CDH12: variants seen among roughly 807,000 people sequenced by gnomAD.
CDH12 encodes cadherin-12.
Under a neutral mutation model 74.1 loss-of-function variants are expected in CDH12, and 41 were observed. The observed-to-expected ratio is 0.55, with a 90% CI of 0.43 to 0.72. The LOEUF (loss-of-function observed/expected upper bound fraction) is 0.72, where lower values mean the gene tolerates loss of function less well. CDH12 is among the 30% of genes least tolerant of loss of function. The pLI, the probability that CDH12 is intolerant of heterozygous loss-of-function variation, is 0.00. For missense variants in CDH12, 945 were observed against 977.2 expected, an observed-to-expected ratio of 0.97 and a Z score of 0.44; for synonymous variants, 399 against 355.0, an observed-to-expected ratio of 1.12 and a Z score of -1.39.
chr5:21,850,828 C>T (rs999613980), intron 7 of CDH12, among the ~76,000 whole-genome samples: 1 of 150,988 alleles, frequency 6.6e-6, no homozygotes, highest in African/African-American at 2.4e-5. Context: ...TATTCTCACT[C>T]AATTGTTTTT....
chr5:21,879,270 T>C (rs191325170), intron 6 of CDH12, among the ~76,000 whole-genome samples: 9 of 150,174 alleles, frequency 6.0e-5, no homozygotes, highest in Admixed American at 3.3e-4. Flanking sequence ...TACTATTTCA[T>C]AGGATAACAG....
intron 1 of CDH12, among the ~76,000 whole-genome samples, chr5:22,664,901 T>G (rs1049723424): frequency 6.6e-6 from 1 of 152,220 alleles, no homozygotes; most frequent in Admixed American, 6.5e-5. Flanking sequence ...AAAATGTCTC[T>G]GCTACATTGA....
intron 2 of CDH12, among the ~76,000 whole-genome samples, chr5:22,488,745 T>C (rs1021736917): frequency 6.6e-6 from 1 of 152,048 alleles, no homozygotes; most frequent in Non-Finnish European, 1.5e-5. Flanking sequence ...ATCCTAAACC[T>C]GCTTACCCTG....
At chr5:21,820,118 A>G (rs1748284404) in intron 8 of CDH12, among the ~76,000 whole-genome samples, 1 of 151,928 alleles carries the variant, frequency 6.6e-6, no homozygotes, top group African/African-American at 2.4e-5. Context: ...TTGAAAGGTA[A>G]TCCAAAGGGC....
At chr5:22,216,244 T>C in intron 3 of CDH12, among the ~76,000 whole-genome samples, 1 of 152,056 alleles carries the variant, frequency 6.6e-6, no homozygotes, top group Non-Finnish European at 1.5e-5. Context: ...TTGTGATTTA[T>C]TGAAGAAAAA....
At chr5:22,352,139 TA>T (rs1027792117) in intron 3 of CDH12, among the ~76,000 whole-genome samples, 8 of 151,916 alleles carry the variant, frequency 5.3e-5, no homozygotes, top group Non-Finnish European at 1.2e-4. Flanking sequence ...TTTTTTTTTT[TA>T]ATTTGGAAAC....
At position 22,678,044 on chromosome 5, in the gene CDH12, T is replaced by TGC; in HGVS notation, c.-522-172681_-522-172680insGC. ...AGGCTCACCTCCTATACCATCCTCATGGGGGGGGGGGTTAGGATTTTAATG... is the reference window on the plus strand; with the variant it reads ...AGGCTCACCTCCTATACCATCCTCATGCGGGGGGGGGGGTTAGGATTTTAATG... On this transcript the variant is annotated intron_variant, in intron 1 of 14. Coordinates refer to ENST00000382254, the MANE Select transcript of CDH12 (RefSeq NM_004061.5). 2.2e-5 allele frequency among the ~76,000 whole-genome samples: 3 copies of TGC among 135,216 alleles called. 1 individual carries two copies. The East Asian group carries it at 7.0e-4, about 31-fold the overall frequency. The allele number at this position is 135,216 out of a possible 152,430, so 88.7% of individuals were successfully genotyped here.
At chr5:22,280,011 T>A (rs1332741079) in intron 3 of CDH12, among the ~76,000 whole-genome samples, 1 of 152,192 alleles carries the variant, frequency 6.6e-6, no homozygotes, top group African/African-American at 2.4e-5. Flanking sequence ...AAAGTGTTCC[T>A]ATTTCTCCAC....
intron 3 of CDH12, among the ~76,000 whole-genome samples, chr5:22,330,592 A>T (rs1026983654): frequency 3.9e-5 from 6 of 151,944 alleles, no homozygotes; most frequent in African/African-American, 1.5e-4. Flanking sequence ...CTCTAATAAA[A>T]ATACAAAAAT....
intron 2 of CDH12, among the ~76,000 whole-genome samples, chr5:22,460,713 A>ATTTTTTTTTTTTTTTTTTT (rs3039460): frequency 5.6e-4 from 48 of 85,606 alleles, no homozygotes; most frequent in African/African-American, 1.9e-3. Flanking sequence ...ATATCTAGCA[A>ATTTTTTTTTTTTTTTTTTT]TTTTTTTTTT....
At chr5:22,313,226 G>A (rs1738464775) in intron 3 of CDH12, among the ~76,000 whole-genome samples, 1 of 152,140 alleles carries the variant, frequency 6.6e-6, no homozygotes. Flanking sequence ...GGACCTCAGA[G>A]TGGGTATTAA....
chr5:22,697,441 G>T (rs545063092), intron 1 of CDH12, among the ~76,000 whole-genome samples: 1 of 151,740 alleles, frequency 6.6e-6, no homozygotes, highest in African/African-American at 2.4e-5. Flanking sequence ...GCGTGGTGGC[G>T]GGCCCCTGTG....
intron 5 of CDH12, among the ~76,000 whole-genome samples, chr5:21,991,915 T>C (rs535218500): frequency 2.0e-5 from 3 of 152,066 alleles, no homozygotes; most frequent in Admixed American, 1.3e-4. Flanking sequence ...TGTAATAGTA[T>C]CATAAATATT....
chr5:22,512,836 G>C (rs895226419), intron 1 of CDH12, among the ~76,000 whole-genome samples: 9 of 152,158 alleles, frequency 5.9e-5, no homozygotes, highest in African/African-American at 2.2e-4. Flanking sequence ...GCCTAGTCGG[G>C]TGGATCATCT....
At chr5:22,013,710 T>C (rs1012026491) in intron 5 of CDH12, among the ~76,000 whole-genome samples, 5 of 152,140 alleles carry the variant, frequency 3.3e-5, no homozygotes, top group Non-Finnish European at 5.9e-5. Context: ...TTAAAAACCC[T>C]GGTTATAGGA....
At chr5:22,680,338 G>A (rs1261016253) in intron 1 of CDH12, among the ~76,000 whole-genome samples, 1 of 151,924 alleles carries the variant, frequency 6.6e-6, no homozygotes, top group Non-Finnish European at 1.5e-5. Context: ...ACTGACTCAG[G>A]GAGTGCAAAA....
chr5:22,091,519 A>G (rs939782301), intron 4 of CDH12, among the ~76,000 whole-genome samples: 6 of 151,950 alleles, frequency 3.9e-5, no homozygotes, highest in Admixed American at 3.9e-4. Context: ...TGAAAAATGC[A>G]TATGCTGAAA....
intron 2 of CDH12, among the ~76,000 whole-genome samples, chr5:22,414,183 A>G (rs1189572576): frequency 6.6e-6 from 1 of 152,032 alleles, no homozygotes; most frequent in African/African-American, 2.4e-5. Context: ...GTCTGCAAAC[A>G]TAACTCTACA....
At chr5:21,885,352 G>A (rs1752572728) in intron 6 of CDH12, among the ~76,000 whole-genome samples, 1 of 152,156 alleles carries the variant, frequency 6.6e-6, no homozygotes, top group African/African-American at 2.4e-5. Context: ...TTATTGTACT[G>A]TAGAGCTAAT....
Sources: allele counts gnomAD v4.1 joint callset (sites outside exome capture counted in the v4.1 genomes callset), GRCh38; gene constraint gnomAD v4.1.1; transcripts MANE v1.5; gene names NCBI Gene and HGNC (gene_info 2026-07-23, HGNC 2026-07-21).